TGM3: variants seen among roughly 807,000 people sequenced by gnomAD.
TGM3 encodes the protein protein-glutamine gamma-glutamyltransferase E.
Under a neutral mutation model 73.8 loss-of-function variants are expected in TGM3, and 52 were observed. The observed-to-expected ratio is 0.70, with a 90% CI of 0.56 to 0.89. The LOEUF (loss-of-function observed/expected upper bound fraction) is 0.89. Among genes scored for constraint, TGM3 ranks in the 40% least tolerant of loss-of-function variants. TGM3 has a pLI of 0.00. For missense variants in TGM3, 928 were observed against 909.9 expected, an observed-to-expected ratio of 1.02 and a Z score of -0.26; for synonymous variants, 372 against 354.9, an observed-to-expected ratio of 1.05 and a Z score of -0.54.
Position 2,339,882 on chromosome 20 carries a change from C to G in TGM3, c.1829C>G (p.Pro610Arg). 1 of 1,614,146 alleles carries G rather than the reference C, an allele frequency of 6.2e-7. No homozygotes were observed. Among genetic ancestry groups the G allele is most frequent in the Non-Finnish European group, 8.5e-7 (1 of 1,180,034 alleles). Residue 610 changes from proline (P) to arginine (R), a missense_variant, in exon 12 of 13, where the codon CCT (proline) becomes CGT (arginine). Coordinates refer to ENST00000381458, the MANE Select transcript of TGM3 (RefSeq NM_003245.4). ...CTGAACGAGGCTCGTGTGCGGAAGCCTGTGAACGTGCAGATGCTCTTCTCC... is the reference window on the plus strand; with the variant it reads ...CTGAACGAGGCTCGTGTGCGGAAGCGTGTGAACGTGCAGATGCTCTTCTCC... ...EVLNEARVRK[P>R]VNVQMLFSNP...
In TGM3 at chr20:2,331,877, G is replaced by T. The variant is rs1453993459; in HGVS notation, c.1334-125G>T. On this transcript the variant is annotated intron_variant, in intron 9 of 12. Coordinates refer to ENST00000381458, the MANE Select transcript of TGM3 (RefSeq NM_003245.4). ...GGCGAGCTGGAGACCTGTGAAAGTC[G>T]AATGCCTGCTAGGGCAGCAATGGAG... is the stretch of plus-strand genomic sequence containing the variant. 7 of 1,152,956 alleles carry T rather than the reference G, an allele frequency of 6.1e-6. No homozygotes were observed. The Admixed American group carries it at 1.5e-4, about 24-fold the overall frequency. 71.4% of individuals were successfully genotyped at this position (1,152,956 alleles called of 1,614,324 possible).
rs1458558843 is a variant in TGM3 at position 2,332,361 on chromosome 20, G to A, written c.1642+51G>A. 1 of 1,494,634 alleles carries A rather than the reference G, an allele frequency of 6.7e-7. No homozygotes were observed. Among genetic ancestry groups the A allele is most frequent in the South Asian group, 1.4e-5 (1 of 73,466 alleles). 92.6% of individuals were successfully genotyped at this position (1,494,634 alleles called of 1,614,324 possible). A position where few individuals can be genotyped will look rare whatever the true frequency, so the allele number is the denominator to read the frequency against. ...ATCCACGAATCCGAGGTAGCCAATGGCCTTCTGGGGCTGCAGGGTGTCTGC... is the reference window on the plus strand; with the variant it reads ...ATCCACGAATCCGAGGTAGCCAATGACCTTCTGGGGCTGCAGGGTGTCTGC... On this transcript the variant is annotated intron_variant, in intron 10 of 12. Coordinates refer to ENST00000381458, the MANE Select transcript of TGM3 (RefSeq NM_003245.4). The surrounding 1 kb of genome is among the most constrained non-coding windows in gnomAD (Gnocchi z 4.4).
At chr20:2,324,135 C>T (rs1213040965) in intron 7 of TGM3, among the ~76,000 whole-genome samples, 1 of 152,088 alleles carries the variant, frequency 6.6e-6, no homozygotes, top group African/African-American at 2.4e-5. Flanking sequence ...TTTCCTCTGT[C>T]ATCTCTATCC....
At chr20:2,303,725 G>A (rs921883144) in intron 1 of TGM3, among the ~76,000 whole-genome samples, 3 of 152,122 alleles carry the variant, frequency 2.0e-5, no homozygotes, top group African/African-American at 4.8e-5. Context: ...GAAGGAACGA[G>A]TGAACGTTGG....
intron 4 of TGM3, among the ~76,000 whole-genome samples, chr20:2,311,976 G>A (rs45571133): frequency 3.9e-5 from 6 of 152,094 alleles, no homozygotes; most frequent in African/African-American, 9.7e-5. Flanking sequence ...AGAGGAGCTC[G>A]GCCTTCTCAG....
rs774796716 is a variant in TGM3 at position 2,340,915 on chromosome 20, G to C, written c.*334G>C. 2.0e-6 allele frequency: 1 copy of C among 493,776 alleles called. No individual in the cohort carries two copies. The highest frequency in any genetic ancestry group is 6.0e-5 in the East Asian group (1 of 16,724). 30.6% of individuals were successfully genotyped at this position (493,776 alleles called of 1,614,324 possible). On this transcript the variant is annotated 3_prime_UTR_variant, in exon 13 of 13. Transcript: ENST00000381458. ...CCCCTGACCCAGGGACTCTCCAAAC[G>C]GGATACAGGAGAGAAGCTGGTCTAG... is the stretch of plus-strand genomic sequence containing the variant.
At chr20:2,310,755 A>T (rs1377322517) in intron 3 of TGM3, among the ~76,000 whole-genome samples, 1 of 152,230 alleles carries the variant, frequency 6.6e-6, no homozygotes, top group Non-Finnish European at 1.5e-5. Context: ...GCATGGAGAT[A>T]GCTTTCTGCC....
At chr20:2,339,434 C>T (rs561432036) in intron 11 of TGM3, among the ~76,000 whole-genome samples, 2 of 152,224 alleles carry the variant, frequency 1.3e-5, no homozygotes, top group African/African-American at 2.4e-5. Context: ...GCCAGGAGTT[C>T]GAGGCCAGCC....
chr20:2,340,472 G>A lies in TGM3; in HGVS notation c.1973G>A (p.Arg658His), dbSNP rs190943274. 5.4e-5 allele frequency: 87 copies of A among 1,614,030 alleles called. No homozygotes were observed. Among genetic ancestry groups the A allele is most frequent in the Admixed American group, 5.3e-4 (32 of 60,012 alleles). ...TLGPKEGSRV[R>H]FDILPSRSGT... Reference sequence around the variant, plus strand: ...GGGCCCAAGGAGGGGTCCCGGGTCCGTTTTGATATCCTGCCCTCCCGGAGT... The same window carrying A: ...GGGCCCAAGGAGGGGTCCCGGGTCCATTTTGATATCCTGCCCTCCCGGAGT... Residue 658 changes from arginine (R) to histidine (H), a missense_variant, in exon 13 of 13, where the codon CGT (arginine) becomes CAT (histidine). Physicochemically the swap from Arg to His is conservative, Grantham distance 29. Coordinates refer to ENST00000381458, the MANE Select transcript of TGM3 (RefSeq NM_003245.4).
chr20:2,320,275 A>T (rs1353301636), intron 7 of TGM3, among the ~76,000 whole-genome samples: 1 of 152,278 alleles, frequency 6.6e-6, no homozygotes, highest in Non-Finnish European at 1.5e-5. Flanking sequence ...AGTGCTTAGT[A>T]ATAGTAACAG....
In TGM3 at chr20:2,322,230, T is replaced by G. The variant is rs2084266281; in HGVS notation, c.984-3619T>G. ...AAAATACATACAGAAATAAAAATCA[T>G]TTCTGATCTTATTCACATATCTTCA... On this transcript the variant is annotated intron_variant, in intron 7 of 12. Transcript: ENST00000381458. Among the ~76,000 whole-genome samples, 2 of 152,164 alleles carry G rather than the reference T, an allele frequency of 1.3e-5. 1 individual carries two copies. Among genetic ancestry groups the G allele is most frequent in the South Asian group, 4.1e-4 (2 of 4,828 alleles).
At chr20:2,316,243 A>T (rs1174881096) in intron 5 of TGM3, among the ~76,000 whole-genome samples, 1 of 152,226 alleles carries the variant, frequency 6.6e-6, no homozygotes, top group Non-Finnish European at 1.5e-5. Flanking sequence ...GAAATACTCT[A>T]TCTTTATTCT....
chr20:2,335,008 C>T, intron 10 of TGM3, 108 bp from the exon 11 acceptor site: 2 of 1,404,304 alleles, frequency 1.4e-6, no homozygotes, highest in Non-Finnish European at 9.9e-7. Context: ...CCCGGGGCTG[C>T]AGATCCTCCC....
Position 2,310,169 on chromosome 20 carries a change from C to T in TGM3, c.182-9C>T. On this transcript the variant is annotated splice_polypyrimidine_tract_variant and intron_variant, in intron 2 of 12. Coordinates refer to ENST00000381458, the MANE Select transcript of TGM3 (RefSeq NM_003245.4). ...TGTTGGTTTTCTCAACCTCTGTCTT[C>T]TTTGACAGGGCCTTACCCCTCAGAG... is the stretch of plus-strand genomic sequence containing the variant. The T allele has an allele frequency of 6.2e-7, 1 of 1,613,942 alleles. No homozygotes were observed. Among genetic ancestry groups the T allele is most frequent in the Non-Finnish European group, 8.5e-7 (1 of 1,179,902 alleles).
Position 2,328,062 on chromosome 20 carries a change from G to A in TGM3, c.1088-58G>A. 15 of 1,605,748 alleles carry A rather than the reference G, an allele frequency of 9.3e-6. 1 individual carries two copies. Among genetic ancestry groups the A allele is most frequent in the South Asian group, 3.3e-5 (3 of 89,952 alleles). ...TGGTCCTGGAAGGCCCTGGGGAATC[G>A]GGCACTGGGTAGGTTGTGGCCTTGG... is the stretch of plus-strand genomic sequence containing the variant. On this transcript the variant is annotated intron_variant, in intron 8 of 12. Transcript: ENST00000381458. This position sits in a 1 kb window ranked among gnomAD's most constrained non-coding sequence, Gnocchi z 5.2.
Position 2,325,863 on chromosome 20 carries a change from G to A in TGM3, c.998G>A (p.Trp333Ter). Residue 333 changes from tryptophan (W) to a stop codon, truncating the protein, a stop_gained, in exon 8 of 13, where the codon TGG (tryptophan) becomes TAG (stop). Coordinates refer to ENST00000381458, the MANE Select transcript of TGM3 (RefSeq NM_003245.4). LOFTEE classifies it high-confidence loss of function. ...TCTATCTGCAGGAATTTCCATGTCT[G>A]GAATGAAGGCTGGTTTGTGAGGTCT... ...GSDSVWNFHV[W>*]NEGWFVRSDL... 1 of 1,567,018 alleles carries A rather than the reference G, an allele frequency of 6.4e-7. No individual in the cohort carries two copies. Among genetic ancestry groups the A allele is most frequent in the Non-Finnish European group, 8.7e-7 (1 of 1,154,536 alleles).
chr20:2,313,670 C>G (rs189086595), intron 5 of TGM3, among the ~76,000 whole-genome samples: 9 of 150,438 alleles, frequency 6.0e-5, no homozygotes, highest in Admixed American at 3.3e-4. Flanking sequence ...CTCTCTCAGA[C>G]ACACACACAC....
At chr20:2,307,621 T>C (rs537173127) in intron 1 of TGM3, among the ~76,000 whole-genome samples, 4 of 152,256 alleles carry the variant, frequency 2.6e-5, no homozygotes, top group African/African-American at 9.6e-5. Context: ...CATTCCACCA[T>C]TCATGATCAC....
In TGM3 at chr20:2,310,178, G is replaced by T; in HGVS notation, c.182G>T (p.Gly61Val). 6.2e-7 allele frequency: 1 copy of T among 1,614,076 alleles called. No homozygotes were observed. The highest frequency in any genetic ancestry group is 8.5e-7 in the Non-Finnish European group (1 of 1,180,016). The stretch of plus-strand genomic sequence containing the variant: ...TCTCAACCTCTGTCTTCTTTGACAG[G>T]GCCTTACCCCTCAGAGTCGGCCATG... ...NERLEFIVST[G>V]PYPSESAMTK... The change falls in exon 3 of 13, where the codon GGG becomes GTG. Residue 61 changes from glycine to valine, a missense_variant and splice_region_variant. Coordinates refer to ENST00000381458, the MANE Select transcript of TGM3 (RefSeq NM_003245.4).
Sources: gnomAD v4.1 joint callset for allele counts (sites outside exome capture counted in the v4.1 genomes callset) on GRCh38, gnomAD v4.1.1 for gene constraint, Gnocchi (gnomAD v3.1) non-coding constraint, MANE v1.5 for transcripts, NCBI Gene and HGNC (gene_info 2026-07-23, HGNC 2026-07-21) for gene names.